GALNTL6: variants seen among roughly 807,000 people sequenced by gnomAD.
GALNTL6 encodes polypeptide N-acetylgalactosaminyltransferase-like 6.
GALNTL6 carries 46 observed loss-of-function variants against 73.7 expected under a neutral mutation model. The ratio of observed to expected loss-of-function variants is 0.62; its 90% confidence interval spans 0.49 to 0.80. The LOEUF is 0.80. Among genes scored for constraint, GALNTL6 ranks in the 30% least tolerant of loss-of-function variants. The probability of loss-of-function intolerance (pLI) is 0.00; values close to 1 mark genes in which losing one functional copy is unlikely to be tolerated. For missense variants in GALNTL6, 604 were observed against 755.0 expected (o/e 0.80, Z 2.34); for synonymous variants, 259 against 263.7 (o/e 0.98, Z 0.17).
chr4:172,708,708 C>T (rs922196805), intron 5 of GALNTL6, among the ~76,000 whole-genome samples: 1 of 152,164 alleles, frequency 6.6e-6, no homozygotes, highest in Non-Finnish European at 1.5e-5. Flanking sequence ...TTTTGATTTG[C>T]ATACAGAACA....
At chr4:172,313,314 C>T (rs770692806) in intron 4 of GALNTL6, among the ~76,000 whole-genome samples, 22 of 151,896 alleles carry the variant, frequency 1.4e-4, no homozygotes, top group Non-Finnish European at 2.9e-4. Flanking sequence ...TTAATAGAGA[C>T]GGGATTTCAC....
chr4:172,316,358 C>A (rs1740540941), intron 4 of GALNTL6, among the ~76,000 whole-genome samples: 1 of 152,176 alleles, frequency 6.6e-6, no homozygotes, highest in Non-Finnish European at 1.5e-5. Context: ...AGATAGACTT[C>A]TAAGGTGGCT....
rs188593715 is a variant in GALNTL6, at chr4:172,701,357, T to C, written c.554-108004T>C. Reference sequence around the variant, plus strand: ...GTGGCAAACAATTGAAATAGATTCATGCTAACTTGAAGAAAGGAACTTAAT... The same window carrying C: ...GTGGCAAACAATTGAAATAGATTCACGCTAACTTGAAGAAAGGAACTTAAT... On this transcript the variant is annotated intron_variant, in intron 5 of 12. Transcript: ENST00000506823. Among the ~76,000 whole-genome samples, 684 of 152,226 alleles carry C rather than the reference T, an allele frequency of 4.5e-3. 5 individuals carry two copies. Among genetic ancestry groups the C allele is most frequent in the Middle Eastern group, 0.024 (7 of 294 alleles).
chr4:172,318,663 T>C (rs190648928), intron 4 of GALNTL6, among the ~76,000 whole-genome samples: 68 of 151,796 alleles, frequency 4.5e-4, no homozygotes, highest in Non-Finnish European at 1.3e-4. Context: ...GATCGCACCA[T>C]TGCACTCTGG....
intron 5 of GALNTL6, among the ~76,000 whole-genome samples, chr4:172,649,305 G>A (rs1740376214): frequency 6.6e-6 from 1 of 152,136 alleles, no homozygotes; most frequent in South Asian, 2.1e-4. Flanking sequence ...GGAGGGGGCA[G>A]ACAAACTTTG....
intron 10 of GALNTL6, among the ~76,000 whole-genome samples, chr4:172,980,162 T>C (rs180903333): frequency 1.7e-3 from 259 of 152,364 alleles, no homozygotes; most frequent in African/African-American, 6.0e-3. Flanking sequence ...TGTGATCTGC[T>C]AGTCCCCATC....
intron 2 of GALNTL6, among the ~76,000 whole-genome samples, chr4:171,945,689 C>T (rs1489405855): frequency 3.3e-5 from 5 of 151,894 alleles, no homozygotes; most frequent in Admixed American, 2.0e-4. Flanking sequence ...TCTTAGGTTT[C>T]GGGGAAGAGC....
intron 5 of GALNTL6, among the ~76,000 whole-genome samples, chr4:172,391,861 A>G (rs979359005): frequency 1.1e-4 from 16 of 152,252 alleles, no homozygotes; most frequent in Non-Finnish European, 2.1e-4. Flanking sequence ...ATTTCACTCT[A>G]CAAAGCCTTA....
chr4:172,296,002 A>C (rs1739659615), intron 3 of GALNTL6, among the ~76,000 whole-genome samples: 1 of 152,108 alleles, frequency 6.6e-6, no homozygotes, highest in Non-Finnish European at 1.5e-5. Context: ...TAGTATCGAT[A>C]GGGTCCAGTT....
At chr4:172,267,662 C>T (rs574876263) in intron 3 of GALNTL6, among the ~76,000 whole-genome samples, 4 of 152,196 alleles carry the variant, frequency 2.6e-5, no homozygotes, top group African/African-American at 9.6e-5. Context: ...AGCCTGGTTC[C>T]TCTCATGTGT....
chr4:172,585,206 G>C (rs1478785965), intron 5 of GALNTL6, among the ~76,000 whole-genome samples: 1 of 151,894 alleles, frequency 6.6e-6, no homozygotes, highest in Non-Finnish European at 1.5e-5. Context: ...TATCCTTTGG[G>C]AACTTAAAGT....
intron 3 of GALNTL6, among the ~76,000 whole-genome samples, chr4:172,275,111 A>G (rs1034401477): frequency 6.6e-6 from 1 of 152,294 alleles, no homozygotes; most frequent in African/African-American, 2.4e-5. Flanking sequence ...CTGGCAGGCT[A>G]TATTTTCTGC....
rs190362142 is a variant in GALNTL6 at position 171,916,386 on chromosome 4, A to G, written c.138+101668A>G. On this transcript the variant is annotated intron_variant, in intron 2 of 12. Coordinates refer to ENST00000506823, the MANE Select transcript of GALNTL6 (RefSeq NM_001034845.3). ...ATAGTGCAAAGGCTTTCACAGCTTC[A>G]TGTTGGAAATGGTATTTGTGGAAAA... Among the ~76,000 whole-genome samples, 24 of 152,272 alleles carry G rather than the reference A, an allele frequency of 1.6e-4. No homozygotes were observed. In the East Asian group the frequency reaches 4.4e-3, roughly 28 times the overall value.
At chr4:172,353,291 G>A (rs1742002376) in intron 5 of GALNTL6, among the ~76,000 whole-genome samples, 1 of 152,086 alleles carries the variant, frequency 6.6e-6, no homozygotes, top group Admixed American at 6.6e-5. Context: ...GGGTGTCAGA[G>A]CAAAACTCTG....
intron 5 of GALNTL6, among the ~76,000 whole-genome samples, chr4:172,732,146 C>T (rs539377033): frequency 2.0e-5 from 3 of 152,044 alleles, no homozygotes; most frequent in Admixed American, 6.6e-5. Context: ...GTTAACATCC[C>T]TGACTATTAT....
chr4:172,764,037 C>T (rs756227530), intron 5 of GALNTL6, among the ~76,000 whole-genome samples: 3 of 150,506 alleles, frequency 2.0e-5, no homozygotes, highest in Non-Finnish European at 4.4e-5. Context: ...CAGCTCACAG[C>T]AACCTCCATG....
chr4:172,969,690 A>C (rs879632159), intron 10 of GALNTL6, among the ~76,000 whole-genome samples: 3 of 152,178 alleles, frequency 2.0e-5, no homozygotes, highest in Non-Finnish European at 2.9e-5. Context: ...TATCCAACCA[A>C]ACTATCCCTC....
intron 5 of GALNTL6, among the ~76,000 whole-genome samples, chr4:172,725,148 C>A (rs11729518): frequency 0.31 from 47,550 of 152,062 alleles, 8,075 homozygotes; most frequent in Middle Eastern, 0.46. Flanking sequence ...CATCTCCTAC[C>A]TTAGTTCTTT....
At chr4:172,295,709 T>C (rs1739649214) in intron 3 of GALNTL6, among the ~76,000 whole-genome samples, 1 of 151,602 alleles carries the variant, frequency 6.6e-6, no homozygotes, top group South Asian at 2.1e-4. Context: ...TCTCACTATA[T>C]ACAACACTCC....
Sources: allele counts gnomAD v4.1 joint callset (sites outside exome capture counted in the v4.1 genomes callset), GRCh38; gene constraint gnomAD v4.1.1; transcripts MANE v1.5; gene names NCBI Gene and HGNC (gene_info 2026-07-23, HGNC 2026-07-21).